NCAPG2: variants seen among roughly 807,000 people sequenced by gnomAD.
NCAPG2 encodes non-SMC condensin II complex subunit G2.
Under a neutral mutation model 141.1 loss-of-function variants are expected in NCAPG2, and 53 were observed. The ratio of observed to expected loss-of-function variants is 0.38; its 90% CI spans 0.30 to 0.47. NCAPG2 has a LOEUF of 0.47. Ranked by LOEUF, NCAPG2 falls within the 20% of genes least tolerant of loss-of-function variation. The probability of loss-of-function intolerance (pLI) is 0.99; values close to 1 mark genes in which losing one functional copy is unlikely to be tolerated. For synonymous variants in NCAPG2, 499 were observed against 490.7 expected (o/e 1.02, Z -0.22); for missense variants, 1,087 against 1,389.0 (o/e 0.78, Z 3.46).
chr7:158,687,273 A>T, intron 7 of NCAPG2, 75 bp downstream of exon 7: 1 of 983,244 alleles, frequency 1.0e-6, no homozygotes, highest in Non-Finnish European at 1.5e-6. Context: ...ACTATAACTT[A>T]AGAAGTCAGA....
chr7:158,645,417 G>C, intron 26 of NCAPG2, 102 bp downstream of exon 26: 1 of 972,522 alleles, frequency 1.0e-6, no homozygotes, highest in Non-Finnish European at 1.6e-6. Flanking sequence ...ACCTGAGCTG[G>C]CCAGGAGTAG....
intron 16 of NCAPG2, among the ~76,000 whole-genome samples, chr7:158,661,175 C>T (rs1215389900): frequency 6.6e-6 from 1 of 152,156 alleles, no homozygotes; most frequent in East Asian, 1.9e-4. Flanking sequence ...CAGAATGAAG[C>T]TCAGGGCCTT....
At chr7:158,662,735 C>T (rs10282082) in intron 15 of NCAPG2, among the ~76,000 whole-genome samples, 19,292 of 152,148 alleles carry the variant, frequency 0.13, 1,479 homozygotes, top group Middle Eastern at 0.18. Flanking sequence ...CCACAAATCT[C>T]GATGCAGGGG....
intron 27 of NCAPG2, among the ~76,000 whole-genome samples, chr7:158,637,449 C>CT (rs900400137): frequency 5.6e-4 from 5 of 8,884 alleles, no homozygotes; most frequent in Admixed American, 1.5e-3. Context: ...TCCGTAAGGC[C>CT]CCCCTTTCTC....
intron 13 of NCAPG2, chr7:158,668,545 G>T: frequency 3.2e-6 from 2 of 619,212 alleles, no homozygotes; most frequent in Non-Finnish European, 4.0e-6. Context: ...AAAATAGTCC[G>T]GCAGTGTGGC....
intron 13 of NCAPG2, among the ~76,000 whole-genome samples, chr7:158,666,706 C>T (rs983192988): frequency 4.0e-5 from 6 of 151,762 alleles, no homozygotes; most frequent in Non-Finnish European, 8.8e-5. Context: ...GCAGGAGGAT[C>T]GCTTGAGGCC....
chr7:158,638,017 G>A lies in NCAPG2; in HGVS notation c.3380+6272C>T, dbSNP rs546848428. 2.1e-3 allele frequency among the ~76,000 whole-genome samples: 313 copies of A among 152,202 alleles called. 1 individual carries two copies. Among genetic ancestry groups the A allele is most frequent in the African/African-American group, 7.3e-3 (303 of 41,530 alleles). ...AAATTAGCCGGGCATGGTGGCGCATGCCTGTAATCCCAGCTACTCGGGAGG... is the reference window on the plus strand; with the variant it reads ...AAATTAGCCGGGCATGGTGGCGCATACCTGTAATCCCAGCTACTCGGGAGG... On this transcript the variant is annotated intron_variant, in intron 27 of 27. Coordinates refer to ENST00000356309, the MANE Select transcript of NCAPG2 (RefSeq NM_017760.7).
At chr7:158,643,359 G>C (rs1830773723) in intron 27 of NCAPG2, among the ~76,000 whole-genome samples, 1 of 152,004 alleles carries the variant, frequency 6.6e-6, no homozygotes, top group Non-Finnish European at 1.5e-5. Flanking sequence ...GGGACTATAG[G>C]CATGAGTCAC....
chr7:158,643,265 G>A (rs1193824232), intron 27 of NCAPG2, among the ~76,000 whole-genome samples: 1 of 152,064 alleles, frequency 6.6e-6, no homozygotes, highest in African/African-American at 2.4e-5. Context: ...ATTTTTAGTA[G>A]AGACAGGGTT....
intron 24 of NCAPG2, among the ~76,000 whole-genome samples, chr7:158,648,394 A>G (rs1374021299): frequency 6.6e-6 from 1 of 151,322 alleles, no homozygotes; most frequent in African/African-American, 2.4e-5. Context: ...GACAGGAAAG[A>G]AAAAAAAACA....
chr7:158,675,818 G>A (rs897428873), intron 11 of NCAPG2, among the ~76,000 whole-genome samples, 162 bp from the exon 12 acceptor site: 3 of 152,094 alleles, frequency 2.0e-5, no homozygotes, highest in Admixed American at 6.5e-5. Flanking sequence ...ACTTGCTATC[G>A]CTTCTAAAGC....
rs1325765049 is a variant in NCAPG2 at position 158,667,303 on chromosome 7, A to AC, written c.1480-2554dup. On this transcript the variant is annotated intron_variant, in intron 13 of 27. Coordinates refer to ENST00000356309, the MANE Select transcript of NCAPG2 (RefSeq NM_017760.7). ...CTCAGAGACCCTGTGTCCCTCCTCC[A>AC]CCCTTAGCCGCTACTGTGTCCCTCC... 1.2e-5 allele frequency: 7 copies of AC among 588,182 alleles called. 2 individuals are homozygous for AC. In the South Asian group the frequency reaches 5.5e-4, roughly 46 times the overall value. 36.4% of individuals were successfully genotyped at this position (588,182 alleles called of 1,614,324 possible). A position where few individuals can be genotyped will look rare whatever the true frequency, so the allele number is the denominator to read the frequency against.
At position 158,652,386 on chromosome 7, in the gene NCAPG2, A is replaced by C; in HGVS notation, c.2841T>G (p.Val947=). The C allele has an allele frequency of 6.2e-7, 1 of 1,613,828 alleles. No homozygotes were observed. Among genetic ancestry groups the C allele is most frequent in the Non-Finnish European group, 8.5e-7 (1 of 1,179,836 alleles). Residue 947 remains valine (V), a synonymous_variant, in exon 23 of 28, where the codon GTT becomes GTG. Transcript: ENST00000356309. ...TCTGGACTGTGTCCAACAGCATTGC[A>C]ACTTCTTCATCTGAATCTGTTTTCT... ...LIQKTDSDEE[V]AMLLDTVQKV...
intron 24 of NCAPG2, among the ~76,000 whole-genome samples, chr7:158,648,879 T>TGGACTAC (rs1563505108): frequency 4.1e-4 from 10 of 24,218 alleles, no homozygotes; most frequent in Non-Finnish European, 6.9e-4. Flanking sequence ...AAATGGACTA[T>TGGACTAC]AACCACGGCA....
intron 11 of NCAPG2, among the ~76,000 whole-genome samples, chr7:158,676,289 C>T (rs1238484405): frequency 2.0e-5 from 3 of 152,170 alleles, no homozygotes; most frequent in Admixed American, 6.5e-5. Flanking sequence ...CTGCTGGAAA[C>T]GTCATAGAAT....
intron 8 of NCAPG2, 43 bp downstream of exon 8, chr7:158,686,129 A>G: frequency 8.3e-7 from 1 of 1,201,230 alleles, no homozygotes; most frequent in Non-Finnish European, 1.2e-6. Flanking sequence ...AGTAACTAAA[A>G]TATAATAAAA....
At chr7:158,678,853 T>C (rs1485009270) in intron 11 of NCAPG2, among the ~76,000 whole-genome samples, 2 of 152,096 alleles carry the variant, frequency 1.3e-5, no homozygotes, top group African/African-American at 4.8e-5. Context: ...TACACTTTTT[T>C]TTCTTTTTAT....
At chr7:158,638,699 C>T (rs1830447195) in intron 27 of NCAPG2, among the ~76,000 whole-genome samples, 1 of 152,144 alleles carries the variant, frequency 6.6e-6, no homozygotes, top group African/African-American at 2.4e-5. Context: ...AAATATGATA[C>T]TTGGACAAAT....
intron 27 of NCAPG2, among the ~76,000 whole-genome samples, chr7:158,643,121 C>G (rs1396931954): frequency 6.6e-6 from 1 of 152,186 alleles, no homozygotes; most frequent in African/African-American, 2.4e-5. Context: ...TGCCACCATG[C>G]CCAGCTAATT....
Sources: allele counts gnomAD v4.1 joint callset (sites outside exome capture counted in the v4.1 genomes callset), GRCh38; gene constraint gnomAD v4.1.1; transcripts MANE v1.5; gene names NCBI Gene and HGNC (gene_info 2026-07-23, HGNC 2026-07-21).